USP34: variants seen among roughly 807,000 people sequenced by gnomAD.
The protein encoded by USP34 is ubiquitin carboxyl-terminal hydrolase 34.
A neutral mutation model predicts 460.3 loss-of-function variants in USP34; 70 were observed. The ratio of observed to expected loss-of-function variants is 0.15; its 90% CI spans 0.13 to 0.19. The LOEUF is 0.19. Ranked by LOEUF, USP34 falls within the 10% of genes least tolerant of loss-of-function variation. The pLI, the probability that USP34 is intolerant of heterozygous loss-of-function variation, is 1.00. For synonymous variants in USP34, 1,647 were observed against 1,405.3 expected (o/e 1.17, Z -3.85); for missense variants, 3,985 against 4,236.2 (o/e 0.94, Z 1.65).
intron 58 of USP34, among the ~76,000 whole-genome samples, chr2:61,232,242 G>C (rs547854605): frequency 6.6e-6 from 1 of 152,274 alleles, no homozygotes; most frequent in East Asian, 1.9e-4. Flanking sequence ...TCCAGGAAAT[G>C]TGCATAATTT....
At chr2:61,329,089 T>C (rs1691181415) in intron 20 of USP34, among the ~76,000 whole-genome samples, 2 of 152,192 alleles carry the variant, frequency 1.3e-5, no homozygotes, top group South Asian at 4.1e-4. Context: ...TGGTGCGAGC[T>C]CGGCTCACTG....
chr2:61,311,552 C>G lies in USP34; in HGVS notation c.3805G>C (p.Gly1269Arg). 1.9e-6 allele frequency: 3 copies of G among 1,595,406 alleles called. No individual in the cohort carries two copies. The highest frequency in any genetic ancestry group is 2.6e-6 in the Non-Finnish European group (3 of 1,172,972). ...TTGAAAGGCTTACCAGGAAACTCTC[C>G]TTTTCGGTTGCTTTGACCAAACTCC... ...LQEFGQSNRK[G>R]EFPGGLMGPV... is the part of the protein sequence containing the mutation. Residue 1269 changes from glycine to arginine, a missense_variant, in exon 27 of 80, where the codon GGA becomes CGA. By Grantham distance (125) the Gly-to-Arg change is moderately radical. This residue lies in a region of USP34 where 1,114 missense variants were observed against 1,122.5 expected (regional missense o/e 0.99). Coordinates refer to ENST00000398571, the MANE Select transcript of USP34 (RefSeq NM_014709.4).
intron 18 of USP34, among the ~76,000 whole-genome samples, chr2:61,335,932 A>C (rs1281554837): frequency 6.6e-6 from 1 of 152,212 alleles, no homozygotes; most frequent in Admixed American, 6.5e-5. Context: ...GCTTTTTGTT[A>C]TCTTAGAACA....
At chr2:61,357,786 C>T (rs1408520091) in intron 10 of USP34, among the ~76,000 whole-genome samples, 1 of 152,128 alleles carries the variant, frequency 6.6e-6, no homozygotes, top group Non-Finnish European at 1.5e-5. Flanking sequence ...GCCTGTAGTC[C>T]TAGCTACTTG....
At chr2:61,206,274 G>T in intron 71 of USP34, 150 bp from the exon 72 acceptor site, 1 of 645,998 alleles carries the variant, frequency 1.5e-6, no homozygotes, top group Non-Finnish European at 2.7e-6. Flanking sequence ...TTCATGAGAT[G>T]ATTACTACTA....
In USP34 at chr2:61,348,192, G is replaced by C. The variant is rs377621735; in HGVS notation, c.1963C>G (p.Leu655Val). ...TCTGACATGCCTTGGGAGTCCCCCA[G>C]GCAAATGCCTGCTTGACTCTCTAAC... is the stretch of plus-strand genomic sequence containing the variant. ...RKLESQAGICLGDSQGMSERN... is the reference protein window; with the variant it reads ...RKLESQAGICVGDSQGMSERN... The change falls in exon 15 of 80, where the codon CTG becomes GTG. Residue 655 changes from leucine (L) to valine (V), a missense_variant. By Grantham distance (32) the Leu-to-Val change is conservative. This residue lies in a region of USP34 where 716 missense variants were observed against 626.2 expected (regional missense o/e 1.14). Coordinates refer to ENST00000398571, the MANE Select transcript of USP34 (RefSeq NM_014709.4). 6.2e-7 allele frequency: 1 copy of C among 1,614,204 alleles called. No individual in the cohort carries two copies. The highest frequency in any genetic ancestry group is 1.3e-5 in the African/African-American group (1 of 75,056).
Position 61,204,677 on chromosome 2 carries a change from C to CT in USP34, c.9155-77dup, listed in dbSNP as rs1176745051. 33 of 1,148,610 alleles carry CT rather than the reference C, an allele frequency of 2.9e-5. No homozygotes were observed. The African/African-American group carries it at 4.7e-4, about 17-fold the overall frequency. The allele number at this position is 1,148,610 out of a possible 1,614,324, so 71.2% of individuals were successfully genotyped here. A position where few individuals can be genotyped will look rare whatever the true frequency, so the allele number is the denominator to read the frequency against. ...CCTACTACTTTCCATCTTACAAATC[C>CT]TATGATTGCCTCACTACAACCAGTT... is the stretch of plus-strand genomic sequence containing the variant. On this transcript the variant is annotated intron_variant, in intron 72 of 79. Coordinates refer to ENST00000398571, the MANE Select transcript of USP34 (RefSeq NM_014709.4).
chr2:61,428,685 A>C (rs1285535411), intron 1 of USP34, among the ~76,000 whole-genome samples: 2 of 152,266 alleles, frequency 1.3e-5, no homozygotes, highest in African/African-American at 4.8e-5. Context: ...AATCGTATGC[A>C]CTAAGCAAGC....
In USP34 at chr2:61,348,244, A is replaced by G; in HGVS notation, c.1911T>C (p.Ser637=). 1 of 1,614,196 alleles carries G rather than the reference A, an allele frequency of 6.2e-7. No individual in the cohort carries two copies. Among genetic ancestry groups the G allele is most frequent in the Non-Finnish European group, 8.5e-7 (1 of 1,180,022 alleles). Residue 637 remains serine, a synonymous_variant, in exon 15 of 80, where the codon AGT becomes AGC. Transcript: ENST00000398571. ...DDHGHNPPKS[S]CGTDLRNRKL... The stretch of plus-strand genomic sequence containing the variant: ...TTCTATTCCGAAGATCTGTACCACA[A>G]CTGCTTTTGGGAGGATTATGACCAT...
At chr2:61,284,291 T>C (rs1342688445) in intron 35 of USP34, among the ~76,000 whole-genome samples, 5 of 152,190 alleles carry the variant, frequency 3.3e-5, no homozygotes, top group Non-Finnish European at 7.3e-5. Flanking sequence ...AATCTGAATC[T>C]AATCATGAAG....
intron 3 of USP34, among the ~76,000 whole-genome samples, chr2:61,401,272 A>G (rs1463197329): frequency 2.2e-4 from 33 of 151,702 alleles, no homozygotes; most frequent in Admixed American, 2.2e-3. Flanking sequence ...TTTTTTAAAG[A>G]TAGGGTCCCA....
rs554592579 is a variant in USP34 at position 61,190,504 on chromosome 2, A to T, written c.9729+14T>A. ...ATTAGAAATGACACACTGAGTTTCC[A>T]AAGTACTACGTACCTTTAGAAGGAA... On this transcript the variant is annotated intron_variant, in intron 77 of 79. Coordinates refer to ENST00000398571, the MANE Select transcript of USP34 (RefSeq NM_014709.4). The T allele has an allele frequency of 5.3e-5, 85 of 1,610,294 alleles. No individual in the cohort carries two copies. The highest frequency in any genetic ancestry group is 6.6e-5 in the Non-Finnish European group (78 of 1,178,568).
chr2:61,235,909 G>T lies in USP34; in HGVS notation c.6968C>A (p.Pro2323His). The T allele has an allele frequency of 6.2e-7, 1 of 1,611,838 alleles. No homozygotes were observed. The highest frequency in any genetic ancestry group is 8.5e-7 in the Non-Finnish European group (1 of 1,179,494). ...LETFIHSKEK[P>H]TMLQWIELLT... ...CAGTTCAATCCACTGAAGCATCGTG[G>T]GCTAGAAAAGAAAAGTCAGTCAAAG... The change falls in exon 57 of 80, where the codon CCC becomes CAC. Residue 2323 changes from proline to histidine, a missense_variant and splice_region_variant. Coordinates refer to ENST00000398571, the MANE Select transcript of USP34 (RefSeq NM_014709.4).
chr2:61,311,868 A>G lies in USP34; in HGVS notation c.3585T>C (p.Gly1195=). 6.2e-7 allele frequency: 1 copy of G among 1,613,934 alleles called. No homozygotes were observed. Among genetic ancestry groups the G allele is most frequent in the Non-Finnish European group, 8.5e-7 (1 of 1,179,904 alleles). The change falls in exon 26 of 80, where the codon GGT becomes GGC. Residue 1195 remains glycine, a synonymous_variant. Transcript: ENST00000398571. ...HLRQWQIEGT[G]ISSHLKALSD... The stretch of plus-strand genomic sequence containing the variant: ...TCAGTGCTTTCAAATGACTACTAAT[A>G]CCAGTGCCTTCAATTTGCCACTGTC...
intron 41 of USP34, among the ~76,000 whole-genome samples, chr2:61,271,666 T>C (rs1029701230): frequency 6.6e-6 from 1 of 151,300 alleles, no homozygotes; most frequent in African/African-American, 2.4e-5. Context: ...ACTGGAAAGG[T>C]AAAAGAAAGA....
At position 61,339,621 on chromosome 2, in the gene USP34, T is replaced by C; in HGVS notation, c.2561A>G (p.Asn854Ser). 1.3e-6 allele frequency: 2 copies of C among 1,582,870 alleles called. No individual in the cohort carries two copies. The highest frequency in any genetic ancestry group is 1.7e-6 in the Non-Finnish European group (2 of 1,170,360). The change falls in exon 17 of 80, where the codon AAT becomes AGT. Residue 854 changes from asparagine to serine, a missense_variant. Physicochemically the swap from Asn to Ser is conservative, Grantham distance 46 (BLOSUM62 1). This residue lies in a region of USP34 where 716 missense variants were observed against 626.2 expected (regional missense o/e 1.14). Transcript: ENST00000398571. ...CAAAGTATTTCCTTTCTTGCAAACA[T>C]TATCCAAATTAATGTCTGTAACAGC... The part of the protein sequence containing the change: ...SNAVTDINLD[N>S]VCKKGNTLLW...
At chr2:61,303,358 G>A (rs1233858970) in intron 27 of USP34, among the ~76,000 whole-genome samples, 4 of 151,396 alleles carry the variant, frequency 2.6e-5, no homozygotes, top group Admixed American at 6.6e-5. Flanking sequence ...GAGCCACCAC[G>A]GCCCAGCCAG....
chr2:61,446,755 C>G (rs1695129621), intron 1 of USP34, among the ~76,000 whole-genome samples: 1 of 149,938 alleles, frequency 6.7e-6, no homozygotes, highest in Admixed American at 6.7e-5. Flanking sequence ...GAGATCGTGC[C>G]ACTACACTGC....
intron 48 of USP34, among the ~76,000 whole-genome samples, chr2:61,251,688 G>C (rs1490378831): frequency 1.3e-5 from 2 of 151,928 alleles, no homozygotes; most frequent in Admixed American, 6.6e-5. Flanking sequence ...TTAAAAATCA[G>C]CTTTATTCTA....
Sources: allele counts gnomAD v4.1 joint callset (sites outside exome capture counted in the v4.1 genomes callset), GRCh38; gene constraint gnomAD v4.1.1; regional missense constraint gnomAD v4.1.1; transcripts MANE v1.5; gene names NCBI Gene and HGNC (gene_info 2026-07-23, HGNC 2026-07-21).